SEPSECS: variants seen among roughly 807,000 people sequenced by gnomAD.
SEPSECS encodes O-phosphoseryl-tRNA(Sec) selenium transferase.
A neutral mutation model predicts 52.1 loss-of-function variants in SEPSECS; 42 were observed. The ratio of observed to expected loss-of-function variants is 0.81; its 90% confidence interval spans 0.63 to 1.04. The LOEUF is 1.04. Ranked by LOEUF, SEPSECS falls within the 50% of genes least tolerant of loss-of-function variation. The probability of loss-of-function intolerance (pLI) is 0.00; values close to 1 mark genes in which losing one functional copy is unlikely to be tolerated. For synonymous variants in SEPSECS, 216 were observed against 211.4 expected (o/e 1.02, Z -0.19); for missense variants, 590 against 610.6 (o/e 0.97, Z 0.36).
At chr4:25,135,458 T>C (rs563940933) in intron 8 of SEPSECS, among the ~76,000 whole-genome samples, 1 of 151,596 alleles carries the variant, frequency 6.6e-6, no homozygotes, top group Non-Finnish European at 1.5e-5. Context: ...AACTAGAAAA[T>C]GTAGAAGAAA....
intron 5 of SEPSECS, 61 bp downstream of exon 5, chr4:25,154,937 T>G: frequency 2.7e-6 from 4 of 1,483,530 alleles, no homozygotes; most frequent in Non-Finnish European, 3.8e-6. Flanking sequence ...ATTTGAGAAT[T>G]AGTATATTTT....
intron 8 of SEPSECS, among the ~76,000 whole-genome samples, chr4:25,141,465 C>T (rs972426767): frequency 2.1e-4 from 32 of 152,134 alleles, no homozygotes; most frequent in African/African-American, 7.7e-4. Context: ...TCCTAGTCTT[C>T]CCCCAAAACC....
chr4:25,155,006 C>A lies in SEPSECS; in HGVS notation c.693G>T (p.Val231=), dbSNP rs1184752903. 4.3e-6 allele frequency: 7 copies of A among 1,614,088 alleles called. No homozygotes were observed. Among genetic ancestry groups the A allele is most frequent in the Non-Finnish European group, 5.9e-6 (7 of 1,179,972 alleles). Residue 231 remains valine (V), a synonymous_variant, in exon 5 of 11, where the codon GTG becomes GTT. Coordinates refer to ENST00000382103, the MANE Select transcript of SEPSECS (RefSeq NM_016955.4). Reference sequence around the variant, plus strand: ...ATTCACAAATCATTTACCTATCAGGCACCCTTGGAGCAAAACAGGATGTAG... The same window carrying A: ...ATTCACAAATCATTTACCTATCAGGAACCCTTGGAGCAAAACAGGATGTAG... The part of the protein sequence containing the change: ...HSTTSCFAPR[V]PDRLEELAVI...
intron 8 of SEPSECS, among the ~76,000 whole-genome samples, chr4:25,140,398 C>T (rs1368656471): frequency 6.6e-6 from 1 of 152,116 alleles, no homozygotes; most frequent in African/African-American, 2.4e-5. Flanking sequence ...AGATTTACAG[C>T]CATATAAATC....
chr4:25,151,587 C>T lies in SEPSECS; in HGVS notation c.804+373G>A, dbSNP rs149495133. Among the ~76,000 whole-genome samples, 180 of 152,266 alleles carry T rather than the reference C, an allele frequency of 1.2e-3. 2 individuals are homozygous for T. The East Asian group carries it at 0.03, about 26-fold the overall frequency. ...AGCATGTTTATAAATGAAGTCACTT[C>T]TAGTCTAAGATAATAAGGTACAATA... On this transcript the variant is annotated intron_variant, in intron 6 of 10. Coordinates refer to ENST00000382103, the MANE Select transcript of SEPSECS (RefSeq NM_016955.4).
intron 3 of SEPSECS, 40 bp downstream of exon 3, chr4:25,156,816 T>A (rs1474069552): frequency 9.9e-7 from 1 of 1,005,998 alleles, no homozygotes; most frequent in Non-Finnish European, 1.6e-6. Flanking sequence ...TGTGTGTGTG[T>A]CCAGACAGCC....
chr4:25,139,378 T>C (rs1560327325), intron 8 of SEPSECS, among the ~76,000 whole-genome samples: 1 of 135,832 alleles, frequency 7.4e-6, no homozygotes, highest in Non-Finnish European at 1.5e-5. Context: ...TTGAAGAAAG[T>C]TGTGTCTTTT....
intron 6 of SEPSECS, among the ~76,000 whole-genome samples, chr4:25,151,110 A>G (rs1712272301): frequency 6.6e-6 from 1 of 152,240 alleles, no homozygotes; most frequent in Non-Finnish European, 1.5e-5. Context: ...TATAGCCTGT[A>G]TCATACATGT....
chr4:25,127,864 T>C (rs1040725357), intron 8 of SEPSECS, among the ~76,000 whole-genome samples: 1 of 152,192 alleles, frequency 6.6e-6, no homozygotes, highest in Non-Finnish European at 1.5e-5. Flanking sequence ...CCAGCCAATA[T>C]ACTCAACCTA....
chr4:25,124,274 C>T (rs768839717), intron 10 of SEPSECS, 49 bp from the exon 11 acceptor site: 3 of 1,536,258 alleles, frequency 2.0e-6, no homozygotes, highest in East Asian at 2.3e-5. Context: ...AATGGTAACA[C>T]AATGTCACCC....
At chr4:25,148,590 T>C (rs1712127787) in intron 6 of SEPSECS, among the ~76,000 whole-genome samples, 1 of 152,226 alleles carries the variant, frequency 6.6e-6, no homozygotes, top group Non-Finnish European at 1.5e-5. Context: ...AGAATGTTTA[T>C]ATATTTGCTT....
chr4:25,151,816 T>A, intron 6 of SEPSECS, 144 bp downstream of exon 6: 1 of 641,178 alleles, frequency 1.6e-6, no homozygotes, highest in Non-Finnish European at 2.9e-6. Context: ...TGAGAGATTA[T>A]CAGATGTAAG....
chr4:25,130,854 C>T (rs948123757), intron 8 of SEPSECS, among the ~76,000 whole-genome samples: 1 of 152,074 alleles, frequency 6.6e-6, no homozygotes, highest in African/African-American at 2.4e-5. Flanking sequence ...TTTTTTGCTA[C>T]AGTTAAATCT....
At chr4:25,124,808 G>C (rs975447661) in intron 10 of SEPSECS, among the ~76,000 whole-genome samples, 1 of 151,988 alleles carries the variant, frequency 6.6e-6, no homozygotes, top group Non-Finnish European at 1.5e-5. Context: ...TCAGCAAACA[G>C]TAATATTTAG....
At chr4:25,126,135 A>G (rs1350159346) in intron 9 of SEPSECS, among the ~76,000 whole-genome samples, 1 of 152,150 alleles carries the variant, frequency 6.6e-6, no homozygotes, top group Non-Finnish European at 1.5e-5. Context: ...ATTTCAGTAC[A>G]TATATAAAAC....
Position 25,121,068 on chromosome 4 carries a change from T to C in SEPSECS, c.*2863A>G, listed in dbSNP as rs747587366. On this transcript the variant is annotated 3_prime_UTR_variant, in exon 11 of 11. Coordinates refer to ENST00000382103, the MANE Select transcript of SEPSECS (RefSeq NM_016955.4). The stretch of plus-strand genomic sequence containing the variant: ...TACCATTCTGTATATCAAGTGCCTA[T>C]TGGCTGAACAGAACTGTATTCAATA... 6.6e-6 allele frequency: 1 copy of C among 152,144 alleles called. No homozygotes were observed. The highest frequency in any genetic ancestry group is 1.5e-5 in the Non-Finnish European group (1 of 67,990). The allele number at this position is 152,144 out of a possible 1,614,324, so 9.4% of individuals were successfully genotyped here.
At chr4:25,158,823 T>C in intron 2 of SEPSECS, 130 bp downstream of exon 2, 2 of 875,794 alleles carry the variant, frequency 2.3e-6, no homozygotes, top group East Asian at 2.6e-5. Context: ...GGCTTACATA[T>C]CCATTAGAGC....
chr4:25,148,175 A>G (rs531623705), intron 6 of SEPSECS, among the ~76,000 whole-genome samples: 40 of 152,114 alleles, frequency 2.6e-4, no homozygotes, highest in Non-Finnish European at 4.6e-4. Context: ...ACACGGTGAA[A>G]CCCCGTCTCT....
Position 25,134,719 on chromosome 4 carries a change from T to C in SEPSECS, c.1027-7362A>G, listed in dbSNP as rs1399028703. Among the ~76,000 whole-genome samples the C allele has an allele frequency of 3.3e-5, 5 of 152,328 alleles. No homozygotes were observed. In the East Asian group the frequency reaches 9.6e-4, roughly 29 times the overall value. ...AGTTTATTGTAGTAAATATGGCATATTATTATTTTTATTTATGGTTTCGAA... is the reference window on the plus strand; with the variant it reads ...AGTTTATTGTAGTAAATATGGCATACTATTATTTTTATTTATGGTTTCGAA... On this transcript the variant is annotated intron_variant, in intron 8 of 10. Coordinates refer to ENST00000382103, the MANE Select transcript of SEPSECS (RefSeq NM_016955.4).
Sources: gnomAD v4.1 joint callset for allele counts (sites outside exome capture counted in the v4.1 genomes callset) on GRCh38, gnomAD v4.1.1 for gene constraint, MANE v1.5 for transcripts, NCBI Gene and HGNC (gene_info 2026-07-23, HGNC 2026-07-21) for gene names.